The following RABGEF1 variants were observed in gnomAD, a reference collection of about 807,000 sequenced individuals.
RABGEF1 encodes RAB guanine nucleotide exchange factor 1.
A neutral mutation model predicts 57.3 loss-of-function variants in RABGEF1; 26 were observed. That is an observed-to-expected ratio of 0.45 (90% confidence interval 0.33 to 0.63). RABGEF1 has a LOEUF of 0.63. RABGEF1 is among the 20% of genes least tolerant of loss of function. RABGEF1 has a pLI of 0.02. For synonymous variants in RABGEF1, 185 were observed against 210.7 expected, an observed-to-expected ratio of 0.88 and a Z score of 1.06; for missense variants, 464 against 607.6, an observed-to-expected ratio of 0.76 and a Z score of 2.48.
At chr7:66,702,261 C>A (rs887948428) in intron 1 of RABGEF1, among the ~76,000 whole-genome samples, 1 of 151,896 alleles carries the variant, frequency 6.6e-6, no homozygotes, top group African/African-American at 2.4e-5. Flanking sequence ...GATAATATTT[C>A]ATTGTATGGA....
At chr7:66,763,897 G>T (rs549263752) in intron 1 of RABGEF1, among the ~76,000 whole-genome samples, 1 of 151,990 alleles carries the variant, frequency 6.6e-6, no homozygotes, top group South Asian at 2.1e-4. Flanking sequence ...ATGTACATTT[G>T]GGTTGTTTCT....
At chr7:66,658,535 A>G in the RABGEF1 span, among the ~76,000 whole-genome samples, 1 of 105,972 alleles carries the variant, frequency 9.4e-6, no homozygotes, top group Non-Finnish European at 2.1e-5. Context: ...TTCGTCTCCA[A>G]AAAAAAAAAA....
intron 1 of RABGEF1, among the ~76,000 whole-genome samples, chr7:66,698,800 A>C (rs1792751483): frequency 6.6e-6 from 1 of 152,196 alleles, no homozygotes. Flanking sequence ...TGTCAGACCC[A>C]CGGGAGTTTC....
chr7:66,754,224 G>A (rs1308271120), intron 1 of RABGEF1, among the ~76,000 whole-genome samples: 3 of 151,600 alleles, frequency 2.0e-5, no homozygotes, highest in South Asian at 2.1e-4. Flanking sequence ...GGACAGTCTC[G>A]ATCTCCTGAC....
At chr7:66,665,756 G>T in the RABGEF1 span, among the ~76,000 whole-genome samples, 6 of 152,190 alleles carry the variant, frequency 3.9e-5, no homozygotes, top group Admixed American at 2.6e-4. Context: ...TTGTAGCTTG[G>T]GGGGTGGCCT....
At chr7:66,741,469 G>A (rs1342258035) in intron 1 of RABGEF1, among the ~76,000 whole-genome samples, 5 of 152,160 alleles carry the variant, frequency 3.3e-5, no homozygotes, top group Admixed American at 1.3e-4. Flanking sequence ...GGGAGAGAGA[G>A]GGAGGGACTC....
chr7:66,799,372 G>C lies in RABGEF1; in HGVS notation c.778G>C (p.Asp260His). 6.2e-7 allele frequency: 1 copy of C among 1,612,774 alleles called. No homozygotes were observed. Among genetic ancestry groups the C allele is most frequent in the Non-Finnish European group, 8.5e-7 (1 of 1,178,724 alleles). ...PQMLCVPVNE[D>H]IPEVSDMVVK... ...GATGCTGTGTGTCCCTGTTAATGAA[G>C]ACATCCCAGAAGTGTCTGATATGGT... Residue 260 changes from aspartate to histidine, a missense_variant, in exon 7 of 9, where the codon GAC (aspartate) becomes CAC (histidine). Coordinates refer to ENST00000284957, the MANE Select transcript of RABGEF1 (RefSeq NM_014504.3).
intron 2 of RABGEF1, among the ~76,000 whole-genome samples, chr7:66,720,972 C>T (rs1795987524): frequency 6.6e-6 from 1 of 152,144 alleles, no homozygotes; most frequent in African/African-American, 2.4e-5. Flanking sequence ...AGCTTGAGTG[C>T]AGTGGCACAA....
At chr7:66,694,836 G>C (rs886101201) in intron 1 of RABGEF1, among the ~76,000 whole-genome samples, 1 of 152,176 alleles carries the variant, frequency 6.6e-6, no homozygotes, top group Non-Finnish European at 1.5e-5. Flanking sequence ...TCTCAATGAG[G>C]GGAACAACGG....
Position 66,747,078 on chromosome 7 carries a change from G to A in RABGEF1, c.-18+6286G>A, listed in dbSNP as rs2707855. On this transcript the variant is annotated intron_variant, in intron 1 of 8. Coordinates refer to ENST00000284957, the MANE Select transcript of RABGEF1 (RefSeq NM_014504.3). ...CAAAGTGCTGGGATTACAGGTGTGA[G>A]CTACCGTGCCCGGCCCTAGTGGAAC... Among the ~76,000 whole-genome samples the A allele has an allele frequency of 5.2e-3, 799 of 152,258 alleles. 2 individuals are homozygous for A. Among genetic ancestry groups the A allele is most frequent in the Middle Eastern group, 0.02 (6 of 294 alleles).
intron 1 of RABGEF1, among the ~76,000 whole-genome samples, chr7:66,703,345 A>C (rs1793573753): frequency 1.3e-5 from 2 of 152,184 alleles, no homozygotes; most frequent in Non-Finnish European, 2.9e-5. Flanking sequence ...TTTTGGTATC[A>C]TATCTAGAAA....
intron 2 of RABGEF1, among the ~76,000 whole-genome samples, chr7:66,733,992 G>A (rs966288218): frequency 3.9e-5 from 6 of 152,106 alleles, no homozygotes; most frequent in South Asian, 2.1e-4. Context: ...GCGACACAGC[G>A]AGACTCCGTC....
At chr7:66,662,760 T>A in the RABGEF1 span, among the ~76,000 whole-genome samples, 1 of 150,030 alleles carries the variant, frequency 6.7e-6, no homozygotes, top group African/African-American at 2.5e-5. Flanking sequence ...TGTGTGCAGG[T>A]GTGTATGTAC....
chr7:66,721,070 C>T (rs1229089974), intron 2 of RABGEF1, among the ~76,000 whole-genome samples: 1 of 152,028 alleles, frequency 6.6e-6, no homozygotes, highest in Non-Finnish European at 1.5e-5. Context: ...AGGCGCACGT[C>T]ACCACGCCCG....
chr7:66,667,470 C>T, the RABGEF1 span: 3 of 152,576 alleles, frequency 2.0e-5, no homozygotes, highest in African/African-American at 7.2e-5. Context: ...CCTCCTCCCT[C>T]ACCTGGTCCC....
intron 7 of RABGEF1, among the ~76,000 whole-genome samples, chr7:66,802,434 A>G (rs1319315483): frequency 6.6e-6 from 1 of 152,196 alleles, no homozygotes; most frequent in South Asian, 2.1e-4. Context: ...TGGAGCGTAT[A>G]CTTAGCTCTG....
intron 1 of RABGEF1, among the ~76,000 whole-genome samples, chr7:66,750,351 A>G (rs544453676): frequency 2.0e-5 from 3 of 152,324 alleles, no homozygotes; most frequent in Non-Finnish European, 2.9e-5. Flanking sequence ...AGGAAATACA[A>G]TGTTTTATGA....
rs372704725 is a variant in RABGEF1, at chr7:66,768,166, G to A, written c.-17-3717G>A. Reference sequence around the variant, plus strand: ...CAAGCAAACGTTTCAAACCTTTGATGTGAAGGGAGACATTATATTTACTGT... The same window carrying A: ...CAAGCAAACGTTTCAAACCTTTGATATGAAGGGAGACATTATATTTACTGT... On this transcript the variant is annotated intron_variant, in intron 1 of 8. Transcript: ENST00000284957. Among the ~76,000 whole-genome samples, 25 of 152,356 alleles carry A rather than the reference G, an allele frequency of 1.6e-4. No homozygotes were observed. The East Asian group carries it at 2.1e-3, about 13-fold the overall frequency.
chr7:66,785,167 A>C (rs1810866171), intron 4 of RABGEF1, among the ~76,000 whole-genome samples: 1 of 152,224 alleles, frequency 6.6e-6, no homozygotes, highest in Non-Finnish European at 1.5e-5. Flanking sequence ...AAATGAGTAT[A>C]CTAAAGTAAA....
Sources: allele counts gnomAD v4.1 joint callset (sites outside exome capture counted in the v4.1 genomes callset), GRCh38; gene constraint gnomAD v4.1.1; transcripts MANE v1.5; gene names NCBI Gene and HGNC (gene_info 2026-07-23, HGNC 2026-07-21).